The following TNIK variants were observed in gnomAD, a reference collection of about 807,000 sequenced individuals.
TNIK encodes the protein TRAF2 and NCK interacting kinase, also known as TRAF2 and NCK-interacting protein kinase.
In TNIK, 49 loss-of-function variants were observed where a neutral mutation model predicts 191.3. That is an observed-to-expected ratio of 0.26 (90% CI 0.20 to 0.32). The LOEUF is 0.32. TNIK is among the 10% of genes least tolerant of loss of function. TNIK has a pLI of 1.00. For synonymous variants in TNIK, 594 were observed against 600.9 expected (o/e 0.99, Z 0.17); for missense variants, 1,155 against 1,702.3 (o/e 0.68, Z 5.66).
intron 1 of TNIK, among the ~76,000 whole-genome samples, chr3:171,399,186 A>C (rs951649886): frequency 6.6e-6 from 1 of 152,244 alleles, no homozygotes; most frequent in African/African-American, 2.4e-5. Flanking sequence ...ATAGGGAATT[A>C]TTCTGAAGCA....
At chr3:171,141,545 C>A (rs1730840556) in intron 12 of TNIK, among the ~76,000 whole-genome samples, 1 of 152,222 alleles carries the variant, frequency 6.6e-6, no homozygotes, top group South Asian at 2.1e-4. Flanking sequence ...AGTGCCATTA[C>A]CCCTCTCTGG....
In TNIK at chr3:171,174,047, G is replaced by A. The variant is rs74738071; in HGVS notation, c.773+1205C>T. On this transcript the variant is annotated intron_variant, in intron 9 of 32. Coordinates refer to ENST00000436636, the MANE Select transcript of TNIK (RefSeq NM_015028.4). ...CCCTCTGCAGAGGAAGGAGGAGCAG[G>A]GAACGCTCTGCCTCCTTGTTACCAA... is the stretch of plus-strand genomic sequence containing the variant. Among the ~76,000 whole-genome samples, 427 of 152,278 alleles carry A rather than the reference G, an allele frequency of 2.8e-3. 1 individual carries two copies. The highest frequency in any genetic ancestry group is 9.9e-3 in the African/African-American group (412 of 41,552).
chr3:171,177,126 TAA>T (rs1736059961), intron 8 of TNIK, among the ~76,000 whole-genome samples, 198 bp downstream of exon 8: 1 of 150,298 alleles, frequency 6.7e-6, no homozygotes, highest in Non-Finnish European at 1.5e-5. Flanking sequence ...TTTTTTCTAA[TAA>T]AAACAGGATT....
intron 17 of TNIK, among the ~76,000 whole-genome samples, chr3:171,124,063 C>T (rs559027403): frequency 6.6e-6 from 1 of 152,340 alleles, no homozygotes; most frequent in South Asian, 2.1e-4. Flanking sequence ...GTATCATTAA[C>T]TCATTGGAAG....
At chr3:171,101,803 GAAGCTAGAAA>G (rs1723617807) in intron 21 of TNIK, 170 bp from the exon 22 acceptor site, 1 of 642,768 alleles carries the variant, frequency 1.6e-6, no homozygotes, top group African/African-American at 1.8e-5. Flanking sequence ...GTAGCGTGTA[GAAGCTAGAAA>G]AGAAAGATGA....
At chr3:171,299,808 T>G (rs550073427) in intron 2 of TNIK, among the ~76,000 whole-genome samples, 6 of 152,176 alleles carry the variant, frequency 3.9e-5, no homozygotes, top group African/African-American at 1.4e-4. Flanking sequence ...CTTGACAGAG[T>G]CTTAAGTGTG....
chr3:171,322,650 G>A (rs1249427854), intron 2 of TNIK, among the ~76,000 whole-genome samples: 1 of 152,016 alleles, frequency 6.6e-6, no homozygotes, highest in Non-Finnish European at 1.5e-5. Context: ...ACATATGCAG[G>A]TAGGCAAACA....
intron 12 of TNIK, among the ~76,000 whole-genome samples, chr3:171,146,761 G>A (rs553986142): frequency 7.8e-4 from 118 of 151,266 alleles, no homozygotes; most frequent in Admixed American, 1.8e-3. Flanking sequence ...GTGATGGTGC[G>A]TGCCTCTAAT....
intron 12 of TNIK, among the ~76,000 whole-genome samples, chr3:171,154,822 C>CA (rs1442614552): frequency 6.6e-6 from 1 of 152,182 alleles, no homozygotes; most frequent in Non-Finnish European, 1.5e-5. Context: ...GGTTGTACTT[C>CA]AACAATGGTC....
intron 10 of TNIK, 45 bp downstream of exon 10, chr3:171,167,050 C>T: frequency 6.3e-7 from 1 of 1,587,378 alleles, no homozygotes; most frequent in South Asian, 1.1e-5. Context: ...CCATGATTCA[C>T]TCCATCTTTT....
intron 1 of TNIK, among the ~76,000 whole-genome samples, chr3:171,458,156 C>A (rs184342939): frequency 1.8e-4 from 26 of 141,966 alleles, no homozygotes; most frequent in African/African-American, 6.3e-4. Flanking sequence ...TCCCGCCCCC[C>A]ACCCCGACCT....
At chr3:171,083,710 A>C (rs1720969868) in intron 26 of TNIK, among the ~76,000 whole-genome samples, 1 of 151,784 alleles carries the variant, frequency 6.6e-6, no homozygotes, top group South Asian at 2.1e-4. Context: ...CTGATTTTTC[A>C]GCTTGAAATA....
At chr3:171,419,968 C>CTT (rs1723554375) in intron 1 of TNIK, among the ~76,000 whole-genome samples, 1 of 152,166 alleles carries the variant, frequency 6.6e-6, no homozygotes, top group Non-Finnish European at 1.5e-5. Flanking sequence ...GTTCTATGAA[C>CTT]ATGTTTGTGA....
At chr3:171,157,210 G>T (rs1487825291) in intron 12 of TNIK, among the ~76,000 whole-genome samples, 1 of 152,224 alleles carries the variant, frequency 6.6e-6, no homozygotes, top group African/African-American at 2.4e-5. Flanking sequence ...TGCTGAGAAG[G>T]TGATATATGG....
At chr3:171,303,788 C>T (rs904655424) in intron 2 of TNIK, among the ~76,000 whole-genome samples, 2 of 152,106 alleles carry the variant, frequency 1.3e-5, no homozygotes, top group Non-Finnish European at 1.5e-5. Context: ...TATACATAGC[C>T]CCCTGACTCC....
At chr3:171,430,758 T>G (rs1026842892) in intron 1 of TNIK, among the ~76,000 whole-genome samples, 1 of 152,060 alleles carries the variant, frequency 6.6e-6, no homozygotes, top group African/African-American at 2.4e-5. Flanking sequence ...TATTTAGTAA[T>G]AAATCATTTA....
At chr3:171,315,846 A>G (rs1754540010) in intron 2 of TNIK, among the ~76,000 whole-genome samples, 1 of 152,158 alleles carries the variant, frequency 6.6e-6, no homozygotes, top group African/African-American at 2.4e-5. Context: ...CTAATCAAGT[A>G]TGATCCCATC....
intron 2 of TNIK, among the ~76,000 whole-genome samples, chr3:171,312,170 AAT>A (rs1321222195): frequency 4.0e-5 from 6 of 150,906 alleles, no homozygotes; most frequent in African/African-American, 1.5e-4. Flanking sequence ...TGATTTTAAA[AAT>A]ATGTCCACAA....
intron 1 of TNIK, among the ~76,000 whole-genome samples, chr3:171,413,004 G>A (rs10936684): frequency 0.61 from 92,451 of 152,046 alleles, 29,193 homozygotes; most frequent in Non-Finnish European, 0.65. Flanking sequence ...ATACCTTGGC[G>A]AGAATTTCCT....
Sources: gnomAD v4.1 joint callset for allele counts (sites outside exome capture counted in the v4.1 genomes callset) on GRCh38, gnomAD v4.1.1 for gene constraint, MANE v1.5 for transcripts, NCBI Gene and HGNC (gene_info 2026-07-23, HGNC 2026-07-21) for gene names.